The following CACNA2D3 variants were observed in gnomAD, a reference collection of about 807,000 sequenced individuals.
CACNA2D3 encodes calcium voltage-gated channel auxiliary subunit alpha2delta 3.
In CACNA2D3, 60 loss-of-function variants were observed where a neutral mutation model predicts 160.6. The observed-to-expected ratio is 0.37, with a 90% CI of 0.30 to 0.46. CACNA2D3 has a LOEUF of 0.46. Among genes scored for constraint, CACNA2D3 ranks in the 20% least tolerant of loss-of-function variants. CACNA2D3 has a pLI of 1.00. For missense variants in CACNA2D3, 1,205 were observed against 1,365.0 expected, an observed-to-expected ratio of 0.88 and a Z score of 1.85; for synonymous variants, 558 against 492.9, an observed-to-expected ratio of 1.13 and a Z score of -1.75.
At chr3:54,289,521 T>C (rs1416547631) in intron 2 of CACNA2D3, among the ~76,000 whole-genome samples, 5 of 151,358 alleles carry the variant, frequency 3.3e-5, no homozygotes, top group African/African-American at 1.2e-4. Flanking sequence ...CCCATCAAGC[T>C]ACCAATGACT....
At chr3:55,072,762 G>C (rs1035570073) in intron 35 of CACNA2D3, among the ~76,000 whole-genome samples, 2 of 152,244 alleles carry the variant, frequency 1.3e-5, no homozygotes, top group African/African-American at 4.8e-5. Flanking sequence ...TCACCATGTT[G>C]GGCAATGTGA....
intron 2 of CACNA2D3, among the ~76,000 whole-genome samples, chr3:54,163,287 A>C (rs1267063764): frequency 6.6e-6 from 1 of 152,162 alleles, no homozygotes; most frequent in Non-Finnish European, 1.5e-5. Flanking sequence ...GTGAAGGAAA[A>C]TCTCAAGGGA....
chr3:54,625,717 C>T (rs1455296044), intron 9 of CACNA2D3, among the ~76,000 whole-genome samples: 2 of 152,310 alleles, frequency 1.3e-5, no homozygotes, highest in South Asian at 2.1e-4. Flanking sequence ...CAAACTTTGG[C>T]GTTCACACTG....
chr3:54,775,003 A>C (rs533794326), intron 13 of CACNA2D3, among the ~76,000 whole-genome samples: 3 of 152,168 alleles, frequency 2.0e-5, no homozygotes, highest in East Asian at 1.9e-4. Flanking sequence ...AAATGGCTCT[A>C]CTGTTTTTGG....
chr3:54,829,798 A>AGAAAGTGG (rs1413056217), intron 14 of CACNA2D3, among the ~76,000 whole-genome samples: 4 of 147,162 alleles, frequency 2.7e-5, no homozygotes, highest in Non-Finnish European at 4.5e-5. Flanking sequence ...GCTGCATTTG[A>AGAAAGTGG]GAAAGTGGGT....
intron 3 of CACNA2D3, among the ~76,000 whole-genome samples, chr3:54,323,685 C>T (rs1420036403): frequency 6.6e-6 from 1 of 152,140 alleles, no homozygotes; most frequent in Non-Finnish European, 1.5e-5. Context: ...CCAGGATGGT[C>T]TCGATCTCCT....
intron 12 of CACNA2D3, 140 bp from the exon 13 acceptor site, chr3:54,764,078 A>G: frequency 1.2e-6 from 1 of 868,818 alleles, no homozygotes. Flanking sequence ...GTTGAAAAGA[A>G]AAATGGGGGA....
intron 14 of CACNA2D3, among the ~76,000 whole-genome samples, chr3:54,821,725 C>T (rs1411193314): frequency 2.2e-5 from 3 of 137,928 alleles, no homozygotes; most frequent in East Asian, 2.2e-4. Context: ...TCCTCTCTCT[C>T]TCTCTCTCTC....
intron 3 of CACNA2D3, among the ~76,000 whole-genome samples, chr3:54,359,606 A>G (rs1480726551): frequency 6.6e-6 from 1 of 152,192 alleles, no homozygotes; most frequent in African/African-American, 2.4e-5. Flanking sequence ...GGCGACACTC[A>G]GTGGAAATCA....
At chr3:54,747,257 C>G (rs1701767736) in intron 11 of CACNA2D3, among the ~76,000 whole-genome samples, 1 of 152,206 alleles carries the variant, frequency 6.6e-6, no homozygotes, top group South Asian at 2.1e-4. Context: ...TGCTATGACT[C>G]CACCTTCAAC....
At chr3:54,795,465 CATT>C (rs1286245262) in intron 13 of CACNA2D3, among the ~76,000 whole-genome samples, 1 of 152,080 alleles carries the variant, frequency 6.6e-6, no homozygotes, top group Non-Finnish European at 1.5e-5. Flanking sequence ...AGCATAATGA[CATT>C]GTGATGGTGG....
chr3:54,577,663 T>C (rs1487568658), intron 8 of CACNA2D3, among the ~76,000 whole-genome samples: 2 of 152,228 alleles, frequency 1.3e-5, no homozygotes, highest in African/African-American at 4.8e-5. Context: ...TTTGTGCCTG[T>C]GCACCTAGAT....
chr3:54,857,459 C>T (rs1242011591), intron 17 of CACNA2D3, among the ~76,000 whole-genome samples: 1 of 152,144 alleles, frequency 6.6e-6, no homozygotes, highest in Non-Finnish European at 1.5e-5. Flanking sequence ...TAGCATCCCT[C>T]AGCCAAAGAC....
chr3:54,467,017 A>G (rs1014894027), intron 4 of CACNA2D3, among the ~76,000 whole-genome samples: 2 of 152,242 alleles, frequency 1.3e-5, no homozygotes, highest in African/African-American at 4.8e-5. Flanking sequence ...ATCAACTTTA[A>G]GTAACTTTTA....
chr3:54,502,530 G>A (rs997044940), intron 4 of CACNA2D3, among the ~76,000 whole-genome samples: 3 of 152,174 alleles, frequency 2.0e-5, no homozygotes, highest in Admixed American at 6.5e-5. Context: ...TTACATGTCC[G>A]CTTTTTCCAT....
At chr3:54,402,206 G>C in intron 4 of CACNA2D3, among the ~76,000 whole-genome samples, 1 of 151,824 alleles carries the variant, frequency 6.6e-6, no homozygotes, top group Non-Finnish European at 1.5e-5. Context: ...AAAAACAAGA[G>C]AGGGAGAAGG....
intron 35 of CACNA2D3, among the ~76,000 whole-genome samples, chr3:55,024,970 C>CT (rs1479030740): frequency 3.3e-5 from 5 of 152,214 alleles, no homozygotes; most frequent in African/African-American, 1.2e-4. Context: ...GATTGAGATC[C>CT]TTTTTGACCA....
chr3:54,276,395 C>A (rs140035075), intron 2 of CACNA2D3, among the ~76,000 whole-genome samples: 1 of 152,010 alleles, frequency 6.6e-6, no homozygotes, highest in Non-Finnish European at 1.5e-5. Flanking sequence ...ACGGCGAAAC[C>A]CTGTCTCTAC....
intron 11 of CACNA2D3, among the ~76,000 whole-genome samples, chr3:54,671,131 C>T (rs553964562): frequency 2.6e-5 from 4 of 151,814 alleles, no homozygotes; most frequent in Non-Finnish European, 2.9e-5. Flanking sequence ...TGGTACTTCA[C>T]GCATTTTCAC....
Sources: allele counts gnomAD v4.1 joint callset (sites outside exome capture counted in the v4.1 genomes callset), GRCh38; gene constraint gnomAD v4.1.1; transcripts MANE v1.5; gene names NCBI Gene and HGNC (gene_info 2026-07-23, HGNC 2026-07-21).